The following VWA8 variants were observed in gnomAD, a reference collection of about 807,000 sequenced individuals.
The protein encoded by VWA8 is von Willebrand factor A domain-containing protein 8.
VWA8 carries 221 observed loss-of-function variants against 241.5 expected under a neutral mutation model. That is an observed-to-expected ratio of 0.91 (90% CI 0.82 to 1.02). The LOEUF (loss-of-function observed/expected upper bound fraction) is 1.02, where lower values mean the gene tolerates loss of function less well. Ranked by LOEUF, VWA8 falls within the 50% of genes least tolerant of loss-of-function variation. VWA8 has a pLI of 0.00. For synonymous variants in VWA8, 852 were observed against 827.1 expected, an observed-to-expected ratio of 1.03 and a Z score of -0.52; for missense variants, 2,322 against 2,328.7, an observed-to-expected ratio of 1.00 and a Z score of 0.06.
At chr13:41,815,829 C>T (rs1490895912) in intron 16 of VWA8, among the ~76,000 whole-genome samples, 2 of 152,026 alleles carry the variant, frequency 1.3e-5, no homozygotes, top group African/African-American at 4.8e-5. Context: ...TATAATATTC[C>T]AGGAGAAAGA....
At chr13:41,711,639 C>A (rs12860994) in intron 26 of VWA8, among the ~76,000 whole-genome samples, 2 of 152,146 alleles carry the variant, frequency 1.3e-5, no homozygotes, top group East Asian at 3.9e-4. Context: ...CTTTGGGAGG[C>A]CAAGGCGGGC....
intron 2 of VWA8, among the ~76,000 whole-genome samples, chr13:41,935,731 T>C (rs1378725270): frequency 6.6e-6 from 1 of 151,806 alleles, no homozygotes; most frequent in Non-Finnish European, 1.5e-5. Context: ...AGACATGTAA[T>C]AGACCTATAA....
intron 1 of VWA8, among the ~76,000 whole-genome samples, chr13:41,951,026 G>A (rs774280128): frequency 1.1e-4 from 16 of 152,180 alleles, no homozygotes; most frequent in Non-Finnish European, 1.9e-4. Flanking sequence ...TTGTACACCC[G>A]TATTTTTACT....
chr13:41,788,823 T>A (rs2137944975), intron 17 of VWA8, among the ~76,000 whole-genome samples: 1 of 152,302 alleles, frequency 6.6e-6, no homozygotes, highest in East Asian at 1.9e-4. Flanking sequence ...GCATTGACTA[T>A]TTTCAGGCTT....
In VWA8 at chr13:41,685,059, T is replaced by C; in HGVS notation, c.4315A>G (p.Ile1439Val). ...AGTTCCTTCTTACCTTTTGGGTAGA[T>C]ATCTTTTAGAGGGACTTCTCCTGGG... ...LPPGEVPLKD[I>V]YPKDVTPPQT... The change falls in exon 35 of 45, where the codon ATC becomes GTC. Residue 1439 changes from isoleucine to valine, a missense_variant. Transcript: ENST00000379310. The C allele has an allele frequency of 6.2e-7, 1 of 1,612,918 alleles. No individual in the cohort carries two copies. Among genetic ancestry groups the C allele is most frequent in the Non-Finnish European group, 8.5e-7 (1 of 1,179,506 alleles).
intron 20 of VWA8, among the ~76,000 whole-genome samples, chr13:41,776,927 G>C (rs1868621099): frequency 6.6e-6 from 1 of 151,866 alleles, no homozygotes; most frequent in African/African-American, 2.4e-5. Context: ...AATATATAAA[G>C]AATATGTATT....
At chr13:41,780,152 C>T (rs1190741360) in intron 19 of VWA8, among the ~76,000 whole-genome samples, 13 of 152,124 alleles carry the variant, frequency 8.5e-5, no homozygotes, top group Admixed American at 8.5e-4. Context: ...CAGGCACCCA[C>T]CTGAGGGTTG....
rs528001779 is a variant in VWA8 at position 41,720,938 on chromosome 13, G to A, written c.2964+432C>T. On this transcript the variant is annotated intron_variant, in intron 25 of 44. Transcript: ENST00000379310. The stretch of plus-strand genomic sequence containing the variant: ...ACTCTATCTTGTGAAACTTCCTTGC[G>A]GTATTTACAGGTATTTAATCAGTAC... Among the ~76,000 whole-genome samples, 77 of 152,200 alleles carry A rather than the reference G, an allele frequency of 5.1e-4. No individual in the cohort carries two copies. The South Asian group carries it at 5.6e-3, about 11-fold the overall frequency.
chr13:41,811,001 A>G (rs1480608151), intron 17 of VWA8, among the ~76,000 whole-genome samples: 1 of 152,138 alleles, frequency 6.6e-6, no homozygotes, highest in African/African-American at 2.4e-5. Context: ...TACAGGAAGC[A>G]TAGTACCAAC....
chr13:41,567,371 C>T lies in VWA8; in HGVS notation c.*826G>A, dbSNP rs1381289232. 2 of 152,044 alleles carry T rather than the reference C, an allele frequency of 1.3e-5. No individual in the cohort carries two copies. Among genetic ancestry groups the T allele is most frequent in the Non-Finnish European group, 2.9e-5 (2 of 68,004 alleles). The allele number at this position is 152,044 out of a possible 1,614,324, so 9.4% of individuals were successfully genotyped here. A position where few individuals can be genotyped will look rare whatever the true frequency, so the allele number is the denominator to read the frequency against. On this transcript the variant is annotated 3_prime_UTR_variant, in exon 45 of 45. Transcript: ENST00000379310. ...ATGAATATTCTCAATAAATAATTTT[C>T]GTGTAAGCATTTATTATTTTGAGCA... is the stretch of plus-strand genomic sequence containing the variant.
rs1431732879 is a variant in VWA8, at chr13:41,897,958, G to A, written c.484-6371C>T. On this transcript the variant is annotated intron_variant, in intron 4 of 44. Transcript: ENST00000379310. ...CTGTTTTGACAGGGCGCTGACTGGT[G>A]CGTTTACAATCCCTGAGCTAGACAC... 4.6e-5 allele frequency among the ~76,000 whole-genome samples: 7 copies of A among 152,274 alleles called. No homozygotes were observed. The East Asian group carries it at 1.2e-3, about 25-fold the overall frequency.
chr13:41,881,859 ACC>A (rs542080599), intron 9 of VWA8, among the ~76,000 whole-genome samples: 4 of 107,748 alleles, frequency 3.7e-5, no homozygotes, highest in East Asian at 5.9e-4. Flanking sequence ...CGGGGGGCTG[ACC>A]CCCCCACCTC....
chr13:41,596,130 T>C (rs1187842927), intron 40 of VWA8, among the ~76,000 whole-genome samples: 1 of 152,214 alleles, frequency 6.6e-6, no homozygotes, highest in East Asian at 1.9e-4. Flanking sequence ...CAGTAGTTTT[T>C]GTTCTTGAGA....
intron 37 of VWA8, among the ~76,000 whole-genome samples, chr13:41,666,267 T>C (rs2044985135): frequency 6.6e-6 from 1 of 152,148 alleles, no homozygotes; most frequent in Non-Finnish European, 1.5e-5. Flanking sequence ...AAATTTCTGG[T>C]TCAAGAAGAG....
At chr13:41,898,237 G>C (rs541014630) in intron 4 of VWA8, among the ~76,000 whole-genome samples, 1 of 151,906 alleles carries the variant, frequency 6.6e-6, no homozygotes, top group African/African-American at 2.4e-5. Flanking sequence ...ACAGAGTGTC[G>C]ATTGGTGCAC....
At chr13:41,855,480 A>T (rs1872712344) in intron 12 of VWA8, among the ~76,000 whole-genome samples, 1 of 151,072 alleles carries the variant, frequency 6.6e-6, no homozygotes, top group African/African-American at 2.4e-5. Context: ...TTAAAATGTG[A>T]TAAGGTAGTC....
chr13:41,815,884 A>C (rs928702632), intron 16 of VWA8, among the ~76,000 whole-genome samples: 3 of 152,202 alleles, frequency 2.0e-5, no homozygotes, highest in Non-Finnish European at 4.4e-5. Context: ...TAGATAAGAG[A>C]ACAGATGAGA....
intron 12 of VWA8, among the ~76,000 whole-genome samples, chr13:41,849,284 T>C (rs569985661): frequency 1.3e-5 from 2 of 152,344 alleles, no homozygotes; most frequent in Non-Finnish European, 2.9e-5. Flanking sequence ...CTGAAAAGCA[T>C]ATATTTACTT....
At chr13:41,720,048 C>T (rs9566831) in intron 25 of VWA8, among the ~76,000 whole-genome samples, 2,310 of 143,678 alleles carry the variant, frequency 0.016, 41 homozygotes, top group East Asian at 0.079. Context: ...AATCTCCTGC[C>T]TTTAATATGA....
Sources: gnomAD v4.1 joint callset for allele counts (sites outside exome capture counted in the v4.1 genomes callset) on GRCh38, gnomAD v4.1.1 for gene constraint, MANE v1.5 for transcripts, NCBI Gene and HGNC (gene_info 2026-07-23, HGNC 2026-07-21) for gene names.